Variants in EDIL3 observed in about 807,000 individuals in gnomAD.
EDIL3 encodes EGF-like repeat and discoidin I-like domain-containing protein 3.
EDIL3 carries 37 observed loss-of-function variants against 67.4 expected under a neutral mutation model. The ratio of observed to expected loss-of-function variants is 0.55; its 90% CI spans 0.42 to 0.72. EDIL3 has a LOEUF of 0.72. Ranked by LOEUF, EDIL3 falls within the 30% of genes least tolerant of loss-of-function variation. EDIL3 has a pLI of 0.00. For missense variants in EDIL3, 527 were observed against 586.3 expected (o/e 0.90, Z 1.04); for synonymous variants, 195 against 196.3 (o/e 0.99, Z 0.05).
chr5:84,252,350 CG>C (rs1425226104), intron 2 of EDIL3, among the ~76,000 whole-genome samples: 1 of 151,606 alleles, frequency 6.6e-6, no homozygotes, highest in African/African-American at 2.4e-5. Flanking sequence ...AGAAATTAGC[CG>C]GGCGTGGCGG....
intron 2 of EDIL3, among the ~76,000 whole-genome samples, chr5:84,244,345 A>T (rs1052301319): frequency 6.6e-6 from 1 of 152,068 alleles, no homozygotes; most frequent in Non-Finnish European, 1.5e-5. Flanking sequence ...CAGTGGCATG[A>T]TCTCAACTCA....
intron 6 of EDIL3, among the ~76,000 whole-genome samples, chr5:84,084,715 A>C (rs1245686829): frequency 1.3e-5 from 2 of 152,192 alleles, no homozygotes; most frequent in African/African-American, 4.8e-5. Flanking sequence ...GACAGGAGAG[A>C]TCTTTGCACT....
At chr5:84,124,549 C>T (rs931060528) in intron 5 of EDIL3, among the ~76,000 whole-genome samples, 5 of 151,784 alleles carry the variant, frequency 3.3e-5, no homozygotes, top group African/African-American at 1.2e-4. Flanking sequence ...CAGAGATGCC[C>T]ACTAGAAATT....
At chr5:84,369,089 A>G (rs933051318) in intron 1 of EDIL3, among the ~76,000 whole-genome samples, 1 of 152,056 alleles carries the variant, frequency 6.6e-6, no homozygotes, top group African/African-American at 2.4e-5. Context: ...GAATTACCAT[A>G]GAATCCAGCA....
chr5:84,283,074 G>A (rs1374007340), intron 1 of EDIL3, among the ~76,000 whole-genome samples: 1 of 151,718 alleles, frequency 6.6e-6, no homozygotes, highest in Non-Finnish European at 1.5e-5. Flanking sequence ...GTGAAAGAAG[G>A]TAAGCTGGTA....
At chr5:84,134,134 G>T (rs1450589304) in intron 5 of EDIL3, among the ~76,000 whole-genome samples, 1 of 151,944 alleles carries the variant, frequency 6.6e-6, no homozygotes, top group African/African-American at 2.4e-5. Flanking sequence ...CAAAGTAAAG[G>T]TGCTTAATAG....
intron 6 of EDIL3, among the ~76,000 whole-genome samples, chr5:84,091,335 GCTAA>G (rs1006361235): frequency 1.3e-5 from 2 of 152,206 alleles, no homozygotes; most frequent in Non-Finnish European, 2.9e-5. Context: ...GTGCTGAAGT[GCTAA>G]CTGTTAGATC....
chr5:84,110,744 C>T (rs541587784), intron 5 of EDIL3, among the ~76,000 whole-genome samples: 2 of 152,248 alleles, frequency 1.3e-5, no homozygotes, highest in South Asian at 4.1e-4. Flanking sequence ...AAATTTGACT[C>T]GGATCTTTTC....
chr5:84,269,300 T>C (rs2112094060), intron 1 of EDIL3, among the ~76,000 whole-genome samples: 1 of 152,298 alleles, frequency 6.6e-6, no homozygotes, highest in East Asian at 1.9e-4. Context: ...ATTGGACATT[T>C]AGGAGGCTTT....
At chr5:84,330,719 C>A (rs1315814387) in intron 1 of EDIL3, among the ~76,000 whole-genome samples, 1 of 152,148 alleles carries the variant, frequency 6.6e-6, no homozygotes, top group Non-Finnish European at 1.5e-5. Context: ...GAGGCTCCTG[C>A]AGGGTGCAAG....
chr5:84,017,349 T>G (rs1235118436), intron 9 of EDIL3, among the ~76,000 whole-genome samples: 2 of 152,188 alleles, frequency 1.3e-5, no homozygotes, highest in African/African-American at 4.8e-5. Context: ...ATGTCAATGA[T>G]TATTATTTTT....
chr5:84,254,297 C>T (rs1433683841), intron 1 of EDIL3, 85 bp from the exon 2 acceptor site: 1 of 1,420,682 alleles, frequency 7.0e-7, no homozygotes, highest in Non-Finnish European at 9.4e-7. Flanking sequence ...TATGGATGTT[C>T]CCTTGGCAAA....
At chr5:84,070,340 C>T (rs1390416966) in intron 6 of EDIL3, among the ~76,000 whole-genome samples, 5 of 152,102 alleles carry the variant, frequency 3.3e-5, no homozygotes, top group Non-Finnish European at 7.4e-5. Context: ...GTAACATGCC[C>T]GGTGGGGCTT....
At chr5:83,965,459 GA>G (rs1305212275) in intron 9 of EDIL3, among the ~76,000 whole-genome samples, 3 of 151,636 alleles carry the variant, frequency 2.0e-5, no homozygotes, top group African/African-American at 4.8e-5. Context: ...TCAATACATG[GA>G]AAAAAAAGTC....
intron 9 of EDIL3, among the ~76,000 whole-genome samples, chr5:83,981,624 T>C (rs1429732252): frequency 1.3e-5 from 2 of 152,040 alleles, no homozygotes; most frequent in African/African-American, 4.8e-5. Flanking sequence ...ACTAAATCCG[T>C]GAATGCAAAG....
At chr5:84,141,300 A>T (rs1489911956) in intron 4 of EDIL3, among the ~76,000 whole-genome samples, 3 of 150,984 alleles carry the variant, frequency 2.0e-5, no homozygotes, top group African/African-American at 7.3e-5. Context: ...TGACTTTATA[A>T]TCAAGACAGT....
At chr5:84,090,730 G>C (rs955918417) in intron 6 of EDIL3, among the ~76,000 whole-genome samples, 2 of 151,882 alleles carry the variant, frequency 1.3e-5, no homozygotes, top group African/African-American at 4.8e-5. Flanking sequence ...GGTGGATCAC[G>C]AGCTCAAGAG....
chr5:84,341,071 C>T (rs934797282), intron 1 of EDIL3, among the ~76,000 whole-genome samples: 12 of 152,036 alleles, frequency 7.9e-5, no homozygotes, highest in African/African-American at 2.9e-4. Context: ...GCTCTCAAAT[C>T]ATCCAACTAC....
intron 6 of EDIL3, among the ~76,000 whole-genome samples, chr5:84,077,349 G>A (rs371373209): frequency 6.6e-5 from 10 of 152,146 alleles, no homozygotes; most frequent in African/African-American, 2.4e-4. Context: ...ATTTTCAGGT[G>A]AGAATAACTG....
Sources: gnomAD v4.1 joint callset for allele counts (sites outside exome capture counted in the v4.1 genomes callset) on GRCh38, gnomAD v4.1.1 for gene constraint, MANE v1.5 for transcripts, NCBI Gene and HGNC (gene_info 2026-07-23, HGNC 2026-07-21) for gene names.